TRMO: variants seen among roughly 807,000 people sequenced by gnomAD.
TRMO encodes the protein tRNA (adenine(37)-N6)-methyltransferase.
A neutral mutation model predicts 37.2 loss-of-function variants in TRMO; 30 were observed. That is an observed-to-expected ratio of 0.81 (90% confidence interval 0.60 to 1.09). The LOEUF is 1.09. Ranked by LOEUF, TRMO falls within the 50% of genes least tolerant of loss-of-function variation. The probability of loss-of-function intolerance (pLI) is 0.00; values close to 1 mark genes in which losing one functional copy is unlikely to be tolerated. For missense variants in TRMO, 552 were observed against 549.5 expected (o/e 1.00, Z -0.05); for synonymous variants, 239 against 199.4 (o/e 1.20, Z -1.67).
chr9:97,922,077 T>C (rs1826670591), intron 1 of TRMO, among the ~76,000 whole-genome samples: 1 of 152,166 alleles, frequency 6.6e-6, no homozygotes, highest in Admixed American at 6.5e-5. Context: ...TCTATGGCAT[T>C]TATTAATTCC....
At chr9:97,918,854 A>C (rs572280974) in intron 1 of TRMO, among the ~76,000 whole-genome samples, 6 of 152,328 alleles carry the variant, frequency 3.9e-5, no homozygotes, top group African/African-American at 1.4e-4. Context: ...TTTCCCTCTG[A>C]GATAAACAGA....
chr9:97,912,845 G>A (rs1390547057), intron 3 of TRMO: 4 of 1,056,072 alleles, frequency 3.8e-6, no homozygotes, highest in Non-Finnish European at 5.2e-6. Flanking sequence ...CGAACACACA[G>A]TTAAAACTAG....
In TRMO at chr9:97,913,587, G is replaced by A. The variant is rs572524913; in HGVS notation, c.252-29C>T. The A allele has an allele frequency of 4.9e-5, 72 of 1,460,106 alleles. No homozygotes were observed. The South Asian group carries it at 6.7e-4, about 14-fold the overall frequency. 90.4% of individuals were successfully genotyped at this position (1,460,106 alleles called of 1,614,324 possible). Reference sequence around the variant, plus strand: ...TAGAAAACAAAACAAAACAAACCACGGAATAAGAAAAGAGCACAAGTTATT... The same window carrying A: ...TAGAAAACAAAACAAAACAAACCACAGAATAAGAAAAGAGCACAAGTTATT... On this transcript the variant is annotated intron_variant, in intron 2 of 4. Coordinates refer to ENST00000375119, the MANE Select transcript of TRMO (RefSeq NM_016481.5).
In TRMO at chr9:97,909,861, T is replaced by A. The variant is rs10984311; in HGVS notation, c.1066+99A>T. 3.9e-3 allele frequency: 3,377 copies of A among 863,614 alleles called. 87 individuals are homozygous for A. In the East Asian group the frequency reaches 0.063, roughly 16 times the overall value. 53.5% of individuals were successfully genotyped at this position (863,614 alleles called of 1,614,324 possible). On this transcript the variant is annotated intron_variant, in intron 4 of 4. Coordinates refer to ENST00000375119, the MANE Select transcript of TRMO (RefSeq NM_016481.5). The stretch of plus-strand genomic sequence containing the variant: ...CCTGTTTCCTAAAAACCAGTCATAC[T>A]GACAAACACTCCACATACCTGCCTT...
intron 4 of TRMO, among the ~76,000 whole-genome samples, chr9:97,906,886 A>C (rs543777158): frequency 3.9e-5 from 6 of 152,150 alleles, no homozygotes; most frequent in African/African-American, 1.4e-4. Context: ...AAAGAAAGAA[A>C]AACAAAACTT....
rs568029501 is a variant in TRMO, at chr9:97,908,312, G to T, written c.1066+1648C>A. Among the ~76,000 whole-genome samples, 1,490 of 151,786 alleles carry T rather than the reference G, an allele frequency of 9.8e-3. 26 individuals are homozygous for T. The highest frequency in any genetic ancestry group is 0.034 in the African/African-American group (1,420 of 41,352). On this transcript the variant is annotated intron_variant, in intron 4 of 4. Coordinates refer to ENST00000375119, the MANE Select transcript of TRMO (RefSeq NM_016481.5). ...CTGTAGTCCCAGCTACTCGGGAGGC[G>T]GAGGCAGGTGAATGGTGTGAACCCG...
In TRMO at chr9:97,919,377, GAAAGA is replaced by G. The variant is rs781341303; in HGVS notation, c.76+3036_76+3040del. ...ACAAAGAGAAGAAAAAAAAAAGAAA[GAAAGA>G]AAAGAAAAGAAAAGAGAAAAGAAAA... On this transcript the variant is annotated intron_variant, in intron 1 of 4. Transcript: ENST00000375119. Among the ~76,000 whole-genome samples the G allele has an allele frequency of 7.8e-4, 107 of 136,496 alleles. 1 individual carries two copies. In the Middle Eastern group the frequency reaches 0.021, roughly 27 times the overall value. 89.5% of individuals were successfully genotyped at this position (136,496 alleles called of 152,430 possible).
chr9:97,904,325 A>G (rs1825764809), downstream of TRMO, among the ~76,000 whole-genome samples: 1 of 152,114 alleles, frequency 6.6e-6, no homozygotes, highest in African/African-American at 2.4e-5. Context: ...TATAGGTTTG[A>G]TTTGGAATCA....
At chr9:97,920,213 G>A (rs1205397086) in intron 1 of TRMO, among the ~76,000 whole-genome samples, 2 of 152,208 alleles carry the variant, frequency 1.3e-5, no homozygotes, top group Non-Finnish European at 1.5e-5. Context: ...GTCCTCAAGG[G>A]TTTCCAGTAC....
chr9:97,922,342 A>C lies in TRMO; in HGVS notation c.76+76T>G, dbSNP rs569967200. On this transcript the variant is annotated intron_variant, in intron 1 of 4. Transcript: ENST00000375119. ...GTCAGTTCCAGATCGTGCGTTTTAC[A>C]CCCCTCTCGGCAACGAAGTCCGCTG... is the stretch of plus-strand genomic sequence containing the variant. The C allele has an allele frequency of 1.0e-5, 10 of 987,332 alleles. No individual in the cohort carries two copies. The East Asian group carries it at 2.6e-4, about 26-fold the overall frequency. The allele number at this position is 987,332 out of a possible 1,614,324, so 61.2% of individuals were successfully genotyped here.
At chr9:97,913,233 T>G (rs1186542562) in intron 3 of TRMO, 168 bp downstream of exon 3, 1 of 524,692 alleles carries the variant, frequency 1.9e-6, no homozygotes, top group Non-Finnish European at 3.3e-6. Context: ...TCAACATTTT[T>G]CAATGCTAAC....
chr9:97,897,273 T>C, the TRMO span, among the ~76,000 whole-genome samples: 6 of 152,222 alleles, frequency 3.9e-5, no homozygotes, highest in Non-Finnish European at 7.3e-5. Context: ...TTTCTGTAAA[T>C]AACCTTTCTG....
chr9:97,898,088 T>C, the TRMO span, among the ~76,000 whole-genome samples: 4 of 152,194 alleles, frequency 2.6e-5, no homozygotes, highest in Admixed American at 2.6e-4. Context: ...ATTCTTGTGG[T>C]GTAAGCTCAT....
At chr9:97,898,510 A>G in the TRMO span, among the ~76,000 whole-genome samples, 1 of 151,780 alleles carries the variant, frequency 6.6e-6, no homozygotes, top group African/African-American at 2.4e-5. Flanking sequence ...CCGTTTTTTA[A>G]TTTTGTGTTC....
At chr9:97,903,895 C>G (rs1337705562), downstream of TRMO, among the ~76,000 whole-genome samples, 1 of 152,082 alleles carries the variant, frequency 6.6e-6, no homozygotes, top group Non-Finnish European at 1.5e-5. Flanking sequence ...AATTCGAGAC[C>G]AGCCTGACCA....
chr9:97,917,725 C>A (rs1826435744), intron 1 of TRMO, among the ~76,000 whole-genome samples: 1 of 152,138 alleles, frequency 6.6e-6, no homozygotes. Flanking sequence ...GTTGCCCAGA[C>A]TGGAGTGCAG....
chr9:97,910,100 G>T lies in TRMO; in HGVS notation c.926C>A (p.Ala309Asp). 1 of 1,614,096 alleles carries T rather than the reference G, an allele frequency of 6.2e-7. No homozygotes were observed. The highest frequency in any genetic ancestry group is 8.5e-7 in the Non-Finnish European group (1 of 1,179,976). ...QGSRAETQPM[A>D]PHCPAGRADG... ...AGCCCTTCCAGCAGGGCAGTGAGGG[G>T]CCATGGGCTGTGTCTCTGCCCTGCT... is the stretch of plus-strand genomic sequence containing the variant. The change falls in exon 4 of 5, where the codon GCC (alanine) becomes GAC (aspartate). Residue 309 changes from alanine to aspartate, a missense_variant. Coordinates refer to ENST00000375119, the MANE Select transcript of TRMO (RefSeq NM_016481.5).
At chr9:97,919,816 G>GC (rs1286111169) in intron 1 of TRMO, among the ~76,000 whole-genome samples, 5 of 152,172 alleles carry the variant, frequency 3.3e-5, no homozygotes, top group Admixed American at 2.0e-4. Flanking sequence ...TCCTCTTTGT[G>GC]CATCTCCTTA....
chr9:97,902,128 G>A (rs955104485), downstream of TRMO, among the ~76,000 whole-genome samples: 11 of 152,134 alleles, frequency 7.2e-5, no homozygotes, highest in African/African-American at 2.2e-4. Flanking sequence ...TGGATCTCAC[G>A]TTCAGGAAGA....
Sources: gnomAD v4.1 joint callset for allele counts (sites outside exome capture counted in the v4.1 genomes callset) on GRCh38, gnomAD v4.1.1 for gene constraint, MANE v1.5 for transcripts, NCBI Gene and HGNC (gene_info 2026-07-23, HGNC 2026-07-21) for gene names.